Variants in NPAP1 observed in about 807,000 individuals in gnomAD.
The protein encoded by NPAP1 is nuclear pore-associated protein 1.
For missense variants in NPAP1, 1,483 were observed against 1,454.5 expected (o/e 1.02, Z -0.32); for synonymous variants, 616 against 581.4 (o/e 1.06, Z -0.86).
rs1004746898 is a variant in NPAP1 at position 24,681,226 on chromosome 15, A to G, written c.*1888A>G. 5 of 167,270 alleles carry G rather than the reference A, an allele frequency of 3.0e-5. No individual in the cohort carries two copies. Among genetic ancestry groups the G allele is most frequent in the African/African-American group, 9.6e-5 (4 of 41,578 alleles). 10.4% of individuals were successfully genotyped at this position (167,270 alleles called of 1,614,324 possible). ...GTAATAACAGTTGACTCAAACTTCA[A>G]AAGTCTCAATGAAATCAGTACTTTT... On this transcript the variant is annotated 3_prime_UTR_variant, in exon 1 of 1. Transcript: ENST00000329468.
rs747729976 is a variant in NPAP1 at position 24,677,373 on chromosome 15, C to A, written c.1506C>A (p.Ser502Arg). The A allele has an allele frequency of 6.2e-7, 1 of 1,613,964 alleles. No individual in the cohort carries two copies. Among genetic ancestry groups the A allele is most frequent in the Non-Finnish European group, 8.5e-7 (1 of 1,179,972 alleles). ...CTTCTGACCCCCCAACACCTCCTAG[C>A]TCCACACCCTCCTTCAAGCCTCCCG... ...PLTSDPPTPP[S>R]STPSFKPPVT... Residue 502 changes from serine (S) to arginine (R), a missense_variant, in exon 1 of 1, where the codon AGC becomes AGA. By Grantham distance (110) the Ser-to-Arg change is moderately radical. Transcript: ENST00000329468.
Position 24,677,474 on chromosome 15 carries a change from C to T in NPAP1, c.1607C>T (p.Pro536Leu), listed in dbSNP as rs1488778045. The T allele has an allele frequency of 6.2e-7, 1 of 1,614,052 alleles. No homozygotes were observed. The highest frequency in any genetic ancestry group is 1.7e-5 in the Admixed American group (1 of 59,998). Residue 536 changes from proline (P) to leucine (L), a missense_variant, in exon 1 of 1, where the codon CCT becomes CTT. Coordinates refer to ENST00000329468, the MANE Select transcript of NPAP1 (RefSeq NM_018958.3). ...PLSFLTLLPV[P>L]STGTSVITSK... ...TCCTTCCTGACTCTTCTTCCAGTCCCTTCCACCGGGACCTCAGTTATCACC... is the reference window on the plus strand; with the variant it reads ...TCCTTCCTGACTCTTCTTCCAGTCCTTTCCACCGGGACCTCAGTTATCACC...
Position 24,676,876 on chromosome 15 carries a change from C to T in NPAP1, c.1009C>T (p.Pro337Ser), listed in dbSNP as rs1488571795. 2 of 1,613,398 alleles carry T rather than the reference C, an allele frequency of 1.2e-6. No individual in the cohort carries two copies. Among genetic ancestry groups the T allele is most frequent in the Non-Finnish European group, 8.5e-7 (1 of 1,180,036 alleles). The stretch of plus-strand genomic sequence containing the variant: ...GAAAATGTCGATTCCATTGCTGCTG[C>T]CGCTGCCCCCTTCACTGCCATTGCT... ...KRKMSIPLLL[P>S]LPPSLPLLWD... Residue 337 changes from proline to serine, a missense_variant, in exon 1 of 1, where the codon CCG (proline) becomes TCG (serine). Physicochemically the swap from Pro to Ser is moderately conservative, Grantham distance 74. Coordinates refer to ENST00000329468, the MANE Select transcript of NPAP1 (RefSeq NM_018958.3).
rs1425165215 is a variant in NPAP1 at position 24,678,510 on chromosome 15, G to A, written c.2643G>A (p.Arg881=). The change falls in exon 1 of 1, where the codon AGG becomes AGA. Residue 881 remains arginine (R), a synonymous_variant. Transcript: ENST00000329468. ...CCAGTTTTCCTGCACAGGCAGATAG[G>A]AGACCAACCACAACTTCCAGCCATC... ...VSTSFPAQAD[R]RPTTTSSHPL... is the part of the protein sequence containing the mutation. 6.2e-7 allele frequency: 1 copy of A among 1,614,046 alleles called. No homozygotes were observed. The highest frequency in any genetic ancestry group is 1.7e-5 in the Admixed American group (1 of 60,008).
rs2141314201 is a variant in NPAP1 at position 24,679,143 on chromosome 15, C to A, written c.3276C>A (p.Asp1092Glu). ...TSAAAYIPGL[D>E]PPTQNSCSGM... ...CTGCCGCCTACATTCCTGGTTTAGACCCACCTACCCAGAATTCATGCAGTG... is the reference window on the plus strand; with the variant it reads ...CTGCCGCCTACATTCCTGGTTTAGAACCACCTACCCAGAATTCATGCAGTG... The change falls in exon 1 of 1, where the codon GAC becomes GAA. Residue 1092 changes from aspartate (D) to glutamate (E), a missense_variant. By Grantham distance (45) the Asp-to-Glu change is conservative. Transcript: ENST00000329468. 6.2e-7 allele frequency: 1 copy of A among 1,614,200 alleles called. No homozygotes were observed. The highest frequency in any genetic ancestry group is 1.1e-5 in the South Asian group (1 of 91,076).
chr15:24,678,189 T>C lies in NPAP1; in HGVS notation c.2322T>C (p.Phe774=). The C allele has an allele frequency of 6.2e-7, 1 of 1,613,276 alleles. No homozygotes were observed. Among genetic ancestry groups the C allele is most frequent in the South Asian group, 1.1e-5 (1 of 91,028 alleles). ...LNPGATPQPK[F]GAPDGPQQKT... ...CAGGAGCCACCCCTCAACCCAAATT[T>C]GGGGCCCCTGATGGGCCGCAGCAGA... The change falls in exon 1 of 1, where the codon TTT becomes TTC. Residue 774 remains phenylalanine, a synonymous_variant. Transcript: ENST00000329468.
chr15:24,681,535 C>A lies in NPAP1; in HGVS notation c.*2197C>A, dbSNP rs1279562537. ...TTTAGATGAAGTCATGAAAATGAAA[C>A]CCCCATGATGGGATTTGCGCCTTTA... On this transcript the variant is annotated 3_prime_UTR_variant, in exon 1 of 1. Coordinates refer to ENST00000329468, the MANE Select transcript of NPAP1 (RefSeq NM_018958.3). 1 of 166,940 alleles carries A rather than the reference C, an allele frequency of 6.0e-6. No individual in the cohort carries two copies. Among genetic ancestry groups the A allele is most frequent in the East Asian group, 1.9e-4 (1 of 5,186 alleles). 10.3% of individuals were successfully genotyped at this position (166,940 alleles called of 1,614,324 possible).
In NPAP1 at chr15:24,681,829, G is replaced by C. The variant is rs2049019510; in HGVS notation, c.*2491G>C. 1 of 166,858 alleles carries C rather than the reference G, an allele frequency of 6.0e-6. No individual in the cohort carries two copies. Among genetic ancestry groups the C allele is most frequent in the Non-Finnish European group, 1.5e-5 (1 of 68,118 alleles). 10.3% of individuals were successfully genotyped at this position (166,858 alleles called of 1,614,324 possible). On this transcript the variant is annotated 3_prime_UTR_variant, in exon 1 of 1. Transcript: ENST00000329468. Reference sequence around the variant, plus strand: ...GATAGAGATAGATGATAGATAGATAGATAGATAGATAGATAATATACATAT... The same window carrying C: ...GATAGAGATAGATGATAGATAGATACATAGATAGATAGATAATATACATAT...
In NPAP1 at chr15:24,675,994, A is replaced by C. The variant is rs2141307043; in HGVS notation, c.127A>C (p.Thr43Pro). ...SPPGRAHSVPTPRPFRGLFRR... is the reference protein window; with the variant it reads ...SPPGRAHSVPPPRPFRGLFRR... ...GCCCGGTCGGGCTCACTCTGTACCC[A>C]CCCCGCGCCCTTTCCGCGGCCTGTT... Residue 43 changes from threonine (T) to proline (P), a missense_variant, in exon 1 of 1, where the codon ACC (threonine) becomes CCC (proline). Thr to Pro is a conservative substitution (Grantham distance 38). Transcript: ENST00000329468. The C allele has an allele frequency of 6.3e-7, 1 of 1,599,122 alleles. No individual in the cohort carries two copies. The highest frequency in any genetic ancestry group is 8.5e-7 in the Non-Finnish European group (1 of 1,174,348).
At position 24,678,509 on chromosome 15, in the gene NPAP1, G is replaced by C. The variant is rs1345677830; in HGVS notation, c.2642G>C (p.Arg881Thr). The C allele has an allele frequency of 1.2e-6, 2 of 1,614,206 alleles. No individual in the cohort carries two copies. Among genetic ancestry groups the C allele is most frequent in the South Asian group, 2.2e-5 (2 of 91,084 alleles). ...ACCAGTTTTCCTGCACAGGCAGATA[G>C]GAGACCAACCACAACTTCCAGCCAT... ...VSTSFPAQAD[R>T]RPTTTSSHPL... Residue 881 changes from arginine to threonine, a missense_variant, in exon 1 of 1, where the codon AGG becomes ACG. Transcript: ENST00000329468.
rs559697748 is a variant in NPAP1 at position 24,682,557 on chromosome 15, A to C, written c.*3219A>C. 1.2e-3 allele frequency: 206 copies of C among 167,176 alleles called. 3 individuals carry two copies. Among genetic ancestry groups the C allele is most frequent in the Non-Finnish European group, 1.8e-4 (12 of 68,116 alleles). The allele number at this position is 167,176 out of a possible 1,614,324, so 10.4% of individuals were successfully genotyped here. On this transcript the variant is annotated 3_prime_UTR_variant, in exon 1 of 1. Coordinates refer to ENST00000329468, the MANE Select transcript of NPAP1 (RefSeq NM_018958.3). ...AAAAGCAAACATAATATCAATTTAAATAATACTGAAAGTCAACCTTCCTAC... is the reference window on the plus strand; with the variant it reads ...AAAAGCAAACATAATATCAATTTAACTAATACTGAAAGTCAACCTTCCTAC...
In NPAP1 at chr15:24,680,226, C is replaced by G. The variant is rs1232744066; in HGVS notation, c.*888C>G. On this transcript the variant is annotated 3_prime_UTR_variant, in exon 1 of 1. Coordinates refer to ENST00000329468, the MANE Select transcript of NPAP1 (RefSeq NM_018958.3). ...GGCCAGGCTGGTCTCAAACTCCTGA[C>G]CTCAGGTGATCCACCCACCTCGGCC... The G allele has an allele frequency of 6.1e-6, 1 of 164,924 alleles. No homozygotes were observed. The highest frequency in any genetic ancestry group is 1.5e-5 in the Non-Finnish European group (1 of 68,358). 10.2% of individuals were successfully genotyped at this position (164,924 alleles called of 1,614,324 possible). A position where few individuals can be genotyped will look rare whatever the true frequency, so the allele number is the denominator to read the frequency against.
rs2049024520 is a variant in NPAP1 at position 24,682,613 on chromosome 15, G to C, written c.*3275G>C. The C allele has an allele frequency of 6.0e-6, 1 of 166,948 alleles. No individual in the cohort carries two copies. The highest frequency in any genetic ancestry group is 2.4e-5 in the African/African-American group (1 of 41,408). The allele number at this position is 166,948 out of a possible 1,614,324, so 10.3% of individuals were successfully genotyped here. A position where few individuals can be genotyped will look rare whatever the true frequency, so the allele number is the denominator to read the frequency against. On this transcript the variant is annotated 3_prime_UTR_variant, in exon 1 of 1. Transcript: ENST00000329468. ...TTCCCTCCTCCAGAGATAGTGTTTAGCTACTTTGATGTCACTCCCATAGTT... is the reference window on the plus strand; with the variant it reads ...TTCCCTCCTCCAGAGATAGTGTTTACCTACTTTGATGTCACTCCCATAGTT...
rs1274846651 is a variant in NPAP1, at chr15:24,677,358, C to T, written c.1491C>T (p.Pro497=). 2 of 1,613,926 alleles carry T rather than the reference C, an allele frequency of 1.2e-6. No homozygotes were observed. The highest frequency in any genetic ancestry group is 1.7e-6 in the Non-Finnish European group (2 of 1,179,942). ...VVGAAPLTSD[P]PTPPSSTPSF... ...GAGCAGCGCCTCTCACTTCTGACCC[C>T]CCAACACCTCCTAGCTCCACACCCT... The change falls in exon 1 of 1, where the codon CCC becomes CCT. Residue 497 remains proline (P), a synonymous_variant. Coordinates refer to ENST00000329468, the MANE Select transcript of NPAP1 (RefSeq NM_018958.3).
rs2141312568 is a variant in NPAP1, at chr15:24,678,410, T to G, written c.2543T>G (p.Ile848Ser). 1 of 1,613,814 alleles carries G rather than the reference T, an allele frequency of 6.2e-7. No individual in the cohort carries two copies. Among genetic ancestry groups the G allele is most frequent in the Non-Finnish European group, 8.5e-7 (1 of 1,179,978 alleles). ...STFVSRKEEY[I>S]RFYMGLPGSG... ...TTTGTCTCCAGGAAGGAGGAGTACA[T>G]CCGATTTTATATGGGGCTTCCTGGT... is the stretch of plus-strand genomic sequence containing the variant. Residue 848 changes from isoleucine (I) to serine (S), a missense_variant, in exon 1 of 1, where the codon ATC (isoleucine) becomes AGC (serine). Transcript: ENST00000329468.
chr15:24,681,822 A>ATAGATAGATAGATAGATAGT lies in NPAP1; in HGVS notation c.*2503_*2504insTTAGATAGATAGATAGATAG, dbSNP rs2049019418. On this transcript the variant is annotated 3_prime_UTR_variant, in exon 1 of 1. Transcript: ENST00000329468. The stretch of plus-strand genomic sequence containing the variant: ...GATAGATGATAGAGATAGATGATAG[A>ATAGATAGATAGATAGATAGT]TAGATAGATAGATAGATAGATAATA... 1 of 166,394 alleles carries ATAGATAGATAGATAGATAGT rather than the reference A, an allele frequency of 6.0e-6. No homozygotes were observed. Among genetic ancestry groups the ATAGATAGATAGATAGATAGT allele is most frequent in the African/African-American group, 2.4e-5 (1 of 41,006 alleles). 10.3% of individuals were successfully genotyped at this position (166,394 alleles called of 1,614,324 possible).
chr15:24,675,848 G>A lies in NPAP1; in HGVS notation c.-20G>A. ...CCACTGCTGACCCTGTTTTACGGTA[G>A]GAGGCACGGCTAGCTCTAAATGGGC... On this transcript the variant is annotated 5_prime_UTR_variant, in exon 1 of 1. Coordinates refer to ENST00000329468, the MANE Select transcript of NPAP1 (RefSeq NM_018958.3). The A allele has an allele frequency of 3.4e-6, 5 of 1,484,808 alleles. No individual in the cohort carries two copies. The highest frequency in any genetic ancestry group is 4.5e-6 in the Non-Finnish European group (5 of 1,114,210). 92.0% of individuals were successfully genotyped at this position (1,484,808 alleles called of 1,614,324 possible).
rs1595616621 is a variant in NPAP1, at chr15:24,678,684, C to T, written c.2817C>T (p.Ser939=). Residue 939 remains serine (S), a synonymous_variant, in exon 1 of 1, where the codon AGC becomes AGT. Coordinates refer to ENST00000329468, the MANE Select transcript of NPAP1 (RefSeq NM_018958.3). The stretch of plus-strand genomic sequence containing the variant: ...CTTCAGTCCAGCCACTGAGTGGCAG[C>T]ATAATTCCACCAGGTTTTGCAGAGT... ...TSPSVQPLSG[S]IIPPGFAELT... 6.2e-7 allele frequency: 1 copy of T among 1,614,202 alleles called. No homozygotes were observed. Among genetic ancestry groups the T allele is most frequent in the Non-Finnish European group, 8.5e-7 (1 of 1,180,046 alleles).
In NPAP1 at chr15:24,676,541, C is replaced by T. The variant is rs764462653; in HGVS notation, c.674C>T (p.Ala225Val). 1 of 1,614,104 alleles carries T rather than the reference C, an allele frequency of 6.2e-7. No homozygotes were observed. Among genetic ancestry groups the T allele is most frequent in the Non-Finnish European group, 8.5e-7 (1 of 1,180,022 alleles). The change falls in exon 1 of 1, where the codon GCC (alanine) becomes GTC (valine). Residue 225 changes from alanine (A) to valine (V), a missense_variant. Transcript: ENST00000329468. ...KFSENSMSEK[A>V]QASPASSCLE... ...TCAGAAAACAGCATGAGTGAGAAGG[C>T]CCAGGCGTCTCCAGCGAGCTCCTGC... is the stretch of plus-strand genomic sequence containing the variant.
Sources: allele counts gnomAD v4.1 joint callset, GRCh38; gene constraint gnomAD v4.1.1; transcripts MANE v1.5; gene names NCBI Gene and HGNC (gene_info 2026-07-23, HGNC 2026-07-21).